Variants in WWP1 observed in about 807,000 individuals in gnomAD.
WWP1 encodes the protein WW domain containing E3 ubiquitin protein ligase 1.
A neutral mutation model predicts 130.6 loss-of-function variants in WWP1; 49 were observed. The observed-to-expected ratio is 0.38, with a 90% confidence interval of 0.30 to 0.48. The LOEUF (loss-of-function observed/expected upper bound fraction) is 0.48, where lower values mean the gene tolerates loss of function less well. WWP1 is among the 20% of genes least tolerant of loss of function. The probability of loss-of-function intolerance (pLI) is 0.99; values close to 1 mark genes in which losing one functional copy is unlikely to be tolerated. For synonymous variants in WWP1, 332 were observed against 367.8 expected (o/e 0.90, Z 1.11); for missense variants, 809 against 1,100.6 (o/e 0.74, Z 3.75).
chr8:86,426,550 C>A (rs1809634430), intron 10 of WWP1, among the ~76,000 whole-genome samples: 1 of 152,046 alleles, frequency 6.6e-6, no homozygotes, highest in Non-Finnish European at 1.5e-5. Flanking sequence ...AAAGGGGAAA[C>A]AAAATTCACT....
At position 86,468,428 on chromosome 8, in the gene WWP1, AG is replaced by A. The variant is rs1286267898; in HGVS notation, c.*1536del. The A allele has an allele frequency of 2.3e-6, 1 of 438,884 alleles. No homozygotes were observed. Among genetic ancestry groups the A allele is most frequent in the African/African-American group, 2.1e-5 (1 of 48,770 alleles). The allele number at this position is 438,884 out of a possible 1,614,324, so 27.2% of individuals were successfully genotyped here. ...ACACTCTGGTAATTTTCAAGCCTAA[AG>A]AATTAAAAAAAAAATTCTAATGTAT... On this transcript the variant is annotated 3_prime_UTR_variant, in exon 25 of 25. Transcript: ENST00000517970.
chr8:86,349,770 G>T (rs1822810334), intron 1 of WWP1, among the ~76,000 whole-genome samples: 1 of 151,708 alleles, frequency 6.6e-6, no homozygotes, highest in Non-Finnish European at 1.5e-5. Flanking sequence ...CTGCTTGAGG[G>T]CAGTGGGATC....
intron 20 of WWP1, among the ~76,000 whole-genome samples, chr8:86,452,006 C>A (rs566777519): frequency 6.6e-6 from 1 of 152,180 alleles, no homozygotes; most frequent in Non-Finnish European, 1.5e-5. Flanking sequence ...AGAACCTGTT[C>A]TCCAGCCTTA....
At chr8:86,361,175 A>G (rs7816275) in intron 1 of WWP1, among the ~76,000 whole-genome samples, 111,163 of 152,064 alleles carry the variant, frequency 0.73, 41,480 homozygotes, top group African/African-American at 0.83. Context: ...GTGGGGCAGG[A>G]AGACCATTTA....
chr8:86,424,658 A>G (rs1034923408), intron 9 of WWP1, among the ~76,000 whole-genome samples: 1 of 151,616 alleles, frequency 6.6e-6, no homozygotes, highest in African/African-American at 2.4e-5. Context: ...TACGAAAACC[A>G]GTCAGGCATG....
At chr8:86,456,980 G>A (rs1811482416) in intron 21 of WWP1, among the ~76,000 whole-genome samples, 1 of 151,884 alleles carries the variant, frequency 6.6e-6, no homozygotes, top group South Asian at 2.1e-4. Context: ...TGATTGTTTT[G>A]ATTACAAAAA....
At chr8:86,390,785 C>G (rs1217078355) in intron 5 of WWP1, among the ~76,000 whole-genome samples, 2 of 152,022 alleles carry the variant, frequency 1.3e-5, no homozygotes, top group African/African-American at 4.8e-5. Context: ...TGACCACTCC[C>G]CCATTCTACC....
At position 86,430,610 on chromosome 8, in the gene WWP1, G is replaced by A; in HGVS notation, c.1333-87G>A. ...TATTTTTAGAAAATTATTATAAAAT[G>A]TGATTCTGCCACATGCTTGGCTTAT... On this transcript the variant is annotated intron_variant, in intron 11 of 24. Coordinates refer to ENST00000517970, the MANE Select transcript of WWP1 (RefSeq NM_007013.4). 10 of 1,101,956 alleles carry A rather than the reference G, an allele frequency of 9.1e-6. No homozygotes were observed. The South Asian group carries it at 1.5e-4, about 16-fold the overall frequency. 68.3% of individuals were successfully genotyped at this position (1,101,956 alleles called of 1,614,324 possible).
At chr8:86,448,096 A>C in intron 18 of WWP1, 52 bp from the exon 19 acceptor site, 3 of 1,470,126 alleles carry the variant, frequency 2.0e-6, no homozygotes, top group Non-Finnish European at 1.8e-6. Context: ...TTGTTCTCTA[A>C]GAAATTGTTA....
Position 86,466,910 on chromosome 8 carries a change from TGGA to T in WWP1, c.*22_*24del. 6.3e-7 allele frequency: 1 copy of T among 1,582,594 alleles called. No individual in the cohort carries two copies. Among genetic ancestry groups the T allele is most frequent in the African/African-American group, 1.4e-5 (1 of 73,752 alleles). The stretch of plus-strand genomic sequence containing the variant: ...CAAGAATGAATGTGGCTTCTTATTT[TGGA>T]GGAGCTCTTGCATTTAAATACCCCA... On this transcript the variant is annotated 3_prime_UTR_variant, in exon 25 of 25. Transcript: ENST00000517970.
intron 5 of WWP1, among the ~76,000 whole-genome samples, chr8:86,381,918 A>T (rs1422078717): frequency 6.6e-6 from 1 of 152,186 alleles, no homozygotes; most frequent in Non-Finnish European, 1.5e-5. Context: ...ACTTGAGAAA[A>T]TTATCATTAC....
Position 86,425,228 on chromosome 8 carries a change from A to G in WWP1, c.1067A>G (p.Glu356Gly). 1 of 1,608,246 alleles carries G rather than the reference A, an allele frequency of 6.2e-7. No individual in the cohort carries two copies. Among genetic ancestry groups the G allele is most frequent in the Non-Finnish European group, 8.5e-7 (1 of 1,178,170 alleles). Residue 356 changes from glutamate (E) to glycine (G), a missense_variant, in exon 10 of 25, where the codon GAA (glutamate) becomes GGA (glycine). Coordinates refer to ENST00000517970, the MANE Select transcript of WWP1 (RefSeq NM_007013.4). ...TTTTTGTATTTTTATTAAAGGTGGG[A>G]ACAAAGAAAAGATCCTCATGGTAGA... ...ANTETLPSGW[E>G]QRKDPHGRTY...
chr8:86,378,104 G>A (rs746697577), intron 3 of WWP1, among the ~76,000 whole-genome samples: 15 of 151,856 alleles, frequency 9.9e-5, no homozygotes, highest in African/African-American at 3.6e-4. Context: ...AATATTTTGA[G>A]AAATTTCCTT....
intron 9 of WWP1, among the ~76,000 whole-genome samples, chr8:86,416,804 A>T (rs1167378474): frequency 6.6e-6 from 1 of 152,020 alleles, no homozygotes; most frequent in Non-Finnish European, 1.5e-5. Context: ...TCACTACGGG[A>T]TTATCTGGTC....
chr8:86,444,930 T>G (rs2130731664), intron 18 of WWP1, among the ~76,000 whole-genome samples: 1 of 152,194 alleles, frequency 6.6e-6, no homozygotes, highest in Admixed American at 6.5e-5. Context: ...GCTGGATAAT[T>G]TATAAAGAAA....
chr8:86,436,207 A>T (rs181702582), intron 16 of WWP1, among the ~76,000 whole-genome samples: 1 of 152,348 alleles, frequency 6.6e-6, no homozygotes, highest in African/African-American at 2.4e-5. Flanking sequence ...ATTTACTAAA[A>T]TAAAGCTTAA....
chr8:86,361,810 G>A (rs891425074), intron 1 of WWP1, among the ~76,000 whole-genome samples: 3 of 151,728 alleles, frequency 2.0e-5, no homozygotes, highest in Admixed American at 1.3e-4. Context: ...TTCTTCTGTA[G>A]TTACTGTCTG....
chr8:86,432,638 G>A (rs1045113453), intron 14 of WWP1, among the ~76,000 whole-genome samples: 10 of 147,714 alleles, frequency 6.8e-5, no homozygotes, highest in African/African-American at 2.3e-4. Context: ...ACGGACTTTC[G>A]CTCCTGTTGC....
At chr8:86,457,181 A>T (rs778342934) in intron 21 of WWP1, among the ~76,000 whole-genome samples, 1 of 151,994 alleles carries the variant, frequency 6.6e-6, no homozygotes, top group Non-Finnish European at 1.5e-5. Context: ...TAAGTATTAC[A>T]TATTTTACTA....
Sources: gnomAD v4.1 joint callset for allele counts (sites outside exome capture counted in the v4.1 genomes callset) on GRCh38, gnomAD v4.1.1 for gene constraint, MANE v1.5 for transcripts, NCBI Gene and HGNC (gene_info 2026-07-23, HGNC 2026-07-21) for gene names.